The following ZFX variants were observed in gnomAD, a reference collection of about 807,000 sequenced individuals.
ZFX encodes zinc finger protein X-linked.
For synonymous variants in ZFX, 196 were observed against 226.8 expected (o/e 0.86, Z 1.22); for missense variants, 362 against 628.3 (o/e 0.58, Z 4.53).
intron 5 of ZFX, among the ~76,000 whole-genome samples, chrX:24,193,951 A>G (rs930736966): frequency 1.8e-5 from 2 of 111,220 alleles, no homozygotes; most frequent in Non-Finnish European, 3.8e-5. Flanking sequence ...CTCTATATCC[A>G]TTAAACACTA....
rs1338541462 is a variant in ZFX at position 24,207,389 on chromosome X, A to C, written c.710A>C (p.Glu237Ala). 1 of 1,210,982 alleles carries C rather than the reference A, an allele frequency of 8.3e-7. No individual in the cohort carries two copies. The highest frequency in any genetic ancestry group is 1.1e-6 in the Non-Finnish European group (1 of 895,331). The change falls in exon 6 of 10, where the codon GAA (glutamate) becomes GCA (alanine). Residue 237 changes from glutamate to alanine, a missense_variant. Coordinates refer to ENST00000304543, the MANE Select transcript of ZFX (RefSeq NM_003410.4). ...SSGMTMDTES[E>A]IDPCKVDGTC... is the part of the protein sequence containing the mutation. The stretch of plus-strand genomic sequence containing the variant: ...GGAATGACCATGGACACAGAGTCGG[A>C]AATTGATCCTTGTAAAGTGGATGGC...
At chrX:24,195,355 A>ATTT (rs751175753) in intron 5 of ZFX, among the ~76,000 whole-genome samples, 1 of 83,988 alleles carries the variant, frequency 1.2e-5, no homozygotes, top group Non-Finnish European at 2.4e-5. Flanking sequence ...CACCGTGCCA[A>ATTT]TTTTTTTTTT....
At chrX:24,208,135 C>T in intron 7 of ZFX, 83 bp from the exon 8 acceptor site, 1 of 1,120,444 alleles carries the variant, frequency 8.9e-7, no homozygotes. Context: ...TCCATTTTGT[C>T]TATTAACTGA....
chrX:24,197,993 A>T (rs115880922), intron 5 of ZFX, among the ~76,000 whole-genome samples: 2 of 111,671 alleles, frequency 1.8e-5, no homozygotes, highest in Non-Finnish European at 3.8e-5. Context: ...GGATCAATCA[A>T]TAGAAAGAAC....
chrX:24,208,792 A>G (rs1937816691), intron 8 of ZFX, 108 bp from the exon 9 acceptor site: 1 of 841,162 alleles, frequency 1.2e-6, no homozygotes, highest in African/African-American at 2.1e-5. Context: ...AATTTCTGTC[A>G]TTCATGAGTA....
intron 5 of ZFX, among the ~76,000 whole-genome samples, chrX:24,199,489 T>A (rs1937146142): frequency 9.0e-6 from 1 of 110,573 alleles, no homozygotes; most frequent in African/African-American, 3.3e-5. Context: ...CTCCTGGGTT[T>A]AAGCAATTCT....
At chrX:24,186,143 A>G (rs992180237) in intron 5 of ZFX, among the ~76,000 whole-genome samples, 27 of 110,995 alleles carry the variant, frequency 2.4e-4, no homozygotes, top group African/African-American at 8.9e-4. Flanking sequence ...TGAATCTTAT[A>G]TTTATTAAAC....
intron 5 of ZFX, among the ~76,000 whole-genome samples, chrX:24,187,863 A>C (rs891350192): frequency 9.0e-6 from 1 of 111,430 alleles, no homozygotes; most frequent in African/African-American, 3.3e-5. Context: ...ATAGATATAG[A>C]AAGTACTTTA....
rs774737067 is a variant in ZFX, at chrX:24,214,998, C to T, written c.*3622C>T. On this transcript the variant is annotated 3_prime_UTR_variant, in exon 10 of 10. Transcript: ENST00000304543. ...GGAGTCAAAAGAGATAGAGTTGTGC[C>T]ATCTTTGATTTTATAGACAAGATTC... 8.9e-6 allele frequency: 1 copy of T among 111,768 alleles called. No individual in the cohort carries two copies. The highest frequency in any genetic ancestry group is 1.9e-5 in the Non-Finnish European group (1 of 53,167). The allele number at this position is 111,768 out of a possible 1,213,427, so 9.2% of individuals were successfully genotyped here. A position where few individuals can be genotyped will look rare whatever the true frequency, so the allele number is the denominator to read the frequency against.
intron 5 of ZFX, among the ~76,000 whole-genome samples, chrX:24,193,387 CAG>C (rs1465998219): frequency 1.8e-5 from 2 of 111,920 alleles, no homozygotes; most frequent in Non-Finnish European, 3.8e-5. Context: ...CTAGAAGAGG[CAG>C]AGCCATAGAG....
intron 5 of ZFX, among the ~76,000 whole-genome samples, chrX:24,204,038 T>TTAAC (rs1264376150): frequency 2.7e-5 from 3 of 112,607 alleles, no homozygotes; most frequent in Non-Finnish European, 5.6e-5. Flanking sequence ...GTGACTTGTT[T>TTAAC]GGTTTTGAAA....
intron 3 of ZFX, among the ~76,000 whole-genome samples, chrX:24,172,201 A>G (rs1036309247): frequency 1.6e-4 from 18 of 112,025 alleles, no homozygotes; most frequent in African/African-American, 5.8e-4. Context: ...TGTGTAATCT[A>G]CTGGTTGGAA....
At chrX:24,163,333 G>T (rs2147353096) in intron 3 of ZFX, among the ~76,000 whole-genome samples, 1 of 58,533 alleles carries the variant, frequency 1.7e-5, no homozygotes, top group Admixed American at 2.2e-4. Context: ...AATTAACCAA[G>T]TTTGTAATTT....
rs182062664 is a variant in ZFX at position 24,214,850 on chromosome X, C to T, written c.*3474C>T. The stretch of plus-strand genomic sequence containing the variant: ...TTTAATCAGTGGGGACTGTTACCAC[C>T]TCCACAACAGAAATCATGCCCTCGA... On this transcript the variant is annotated 3_prime_UTR_variant, in exon 10 of 10. Coordinates refer to ENST00000304543, the MANE Select transcript of ZFX (RefSeq NM_003410.4). The T allele has an allele frequency of 9.0e-6, 1 of 111,701 alleles. No individual in the cohort carries two copies. The highest frequency in any genetic ancestry group is 9.5e-5 in the Admixed American group (1 of 10,485). 9.2% of individuals were successfully genotyped at this position (111,701 alleles called of 1,213,427 possible).
chrX:24,178,855 C>T (rs1203929311), intron 4 of ZFX, among the ~76,000 whole-genome samples: 3 of 111,872 alleles, frequency 2.7e-5, no homozygotes, highest in Non-Finnish European at 5.6e-5. Context: ...GGTGGGAATA[C>T]AGGTGTGAAG....
intron 8 of ZFX, 48 bp from the exon 9 acceptor site, chrX:24,208,852 T>C (rs755955956): frequency 3.6e-6 from 4 of 1,117,503 alleles, no homozygotes; most frequent in Admixed American, 2.7e-5. Flanking sequence ...CCTAATTCTT[T>C]AAAATTTATA....
rs994831202 is a variant in ZFX at position 24,179,746 on chromosome X, T to C, written c.622T>C (p.Cys208Arg). The C allele has an allele frequency of 4.1e-6, 5 of 1,206,760 alleles. No homozygotes were observed. The East Asian group carries it at 1.5e-4, about 36-fold the overall frequency. ...VDQQDDDKGN[C>R]EDYLMISLDD... ...CCAGCAGGATGATGACAAAGGCAAC[T>C]GTGAGGACTACCTTATGATTTCCTG... is the stretch of plus-strand genomic sequence containing the variant. Residue 208 changes from cysteine to arginine, a missense_variant, in exon 5 of 10, where the codon TGT becomes CGT. Coordinates refer to ENST00000304543, the MANE Select transcript of ZFX (RefSeq NM_003410.4).
chrX:24,183,920 A>G (rs766087233), intron 5 of ZFX, among the ~76,000 whole-genome samples: 3 of 108,647 alleles, frequency 2.8e-5, no homozygotes, highest in Admixed American at 9.9e-5. Context: ...ATGCCCAGCT[A>G]ATTTTTTTGT....
At chrX:24,156,806 A>C (rs1304466418) in intron 3 of ZFX, among the ~76,000 whole-genome samples, 8 of 109,582 alleles carry the variant, frequency 7.3e-5, no homozygotes, top group Middle Eastern at 4.6e-3. Flanking sequence ...AGGCGCCCGC[A>C]ACCACGCCCG....
Sources: allele counts gnomAD v4.1 joint callset (sites outside exome capture counted in the v4.1 genomes callset), GRCh38; gene constraint gnomAD v4.1.1; transcripts MANE v1.5; gene names NCBI Gene and HGNC (gene_info 2026-07-23, HGNC 2026-07-21).